The following SHROOM3 variants were observed in gnomAD, a reference collection of about 807,000 sequenced individuals.
The protein encoded by SHROOM3 is shroom family member 3, also known as protein Shroom3.
SHROOM3 carries 47 observed loss-of-function variants against 138.6 expected under a neutral mutation model. That is an observed-to-expected ratio of 0.34 (90% CI 0.27 to 0.43). SHROOM3 has a LOEUF of 0.43. SHROOM3 is among the 20% of genes least tolerant of loss of function. The pLI, the probability that SHROOM3 is intolerant of heterozygous loss-of-function variation, is 1.00. For synonymous variants in SHROOM3, 1,062 were observed against 1,063.3 expected (o/e 1.00, Z 0.02); for missense variants, 2,491 against 2,596.5 (o/e 0.96, Z 0.88).
At chr4:76,544,533 C>T (rs908824611) in intron 1 of SHROOM3, among the ~76,000 whole-genome samples, 1 of 141,084 alleles carries the variant, frequency 7.1e-6, no homozygotes, top group African/African-American at 2.6e-5. Context: ...CCTCCTGCCT[C>T]AGCCTCCTGG....
chr4:76,638,508 T>G (rs1200354134), intron 2 of SHROOM3, among the ~76,000 whole-genome samples: 2 of 152,314 alleles, frequency 1.3e-5, no homozygotes, highest in East Asian at 3.9e-4. Flanking sequence ...ATGATCACAC[T>G]GCTGCATTAT....
chr4:76,581,038 T>C (rs1246839305), intron 2 of SHROOM3, among the ~76,000 whole-genome samples: 2 of 152,214 alleles, frequency 1.3e-5, no homozygotes, highest in East Asian at 3.9e-4. Context: ...AAATGGATCA[T>C]TAATAATGCT....
At chr4:76,557,406 A>T (rs1240973615) in intron 2 of SHROOM3, among the ~76,000 whole-genome samples, 1 of 152,152 alleles carries the variant, frequency 6.6e-6, no homozygotes, top group African/African-American at 2.4e-5. Context: ...CATGGTGTAT[A>T]AAAAAGTCAA....
intron 2 of SHROOM3, among the ~76,000 whole-genome samples, chr4:76,659,364 C>A (rs1736134931): frequency 6.6e-6 from 1 of 152,178 alleles, no homozygotes; most frequent in Non-Finnish European, 1.5e-5. Context: ...GTTCTTTACT[C>A]CCCCACCATC....
chr4:76,678,001 G>C (rs796448772), intron 2 of SHROOM3, among the ~76,000 whole-genome samples: 5 of 152,186 alleles, frequency 3.3e-5, no homozygotes, highest in African/African-American at 1.2e-4. Context: ...ACTCTGAAGA[G>C]TTATCGTGGT....
At position 76,603,883 on chromosome 4, in the gene SHROOM3, C is replaced by A. The variant is rs562838719; in HGVS notation, c.323+48120C>A. Among the ~76,000 whole-genome samples, 3 of 141,796 alleles carry A rather than the reference C, an allele frequency of 2.1e-5. No homozygotes were observed. The East Asian group carries it at 6.2e-4, about 29-fold the overall frequency. The allele number at this position is 141,796 out of a possible 152,430, so 93.0% of individuals were successfully genotyped here. A position where few individuals can be genotyped will look rare whatever the true frequency, so the allele number is the denominator to read the frequency against. ...TTTGAGATGGAGTCTTGCACTGTCT[C>A]CCAGGCTGGAGTGCAGTGGCGCGAT... On this transcript the variant is annotated intron_variant, in intron 2 of 10. Transcript: ENST00000296043.
chr4:76,480,285 G>A (rs796815153), intron 1 of SHROOM3, among the ~76,000 whole-genome samples: 2 of 152,164 alleles, frequency 1.3e-5, no homozygotes, highest in South Asian at 4.1e-4. Context: ...ATAAAGAGAT[G>A]GAGGAAGATT....
At chr4:76,621,799 T>C (rs1435006188) in intron 2 of SHROOM3, among the ~76,000 whole-genome samples, 1 of 152,058 alleles carries the variant, frequency 6.6e-6, no homozygotes, top group African/African-American at 2.4e-5. Flanking sequence ...AGTTCCAGCG[T>C]TTTCTTTAGG....
intron 1 of SHROOM3, among the ~76,000 whole-genome samples, chr4:76,447,041 G>A (rs368972191): frequency 6.6e-6 from 1 of 152,082 alleles, no homozygotes; most frequent in Admixed American, 6.6e-5. Context: ...GGAACTTCAC[G>A]TACAGTTGTT....
intron 1 of SHROOM3, among the ~76,000 whole-genome samples, chr4:76,520,039 A>T (rs1480350143): frequency 6.6e-6 from 1 of 152,184 alleles, no homozygotes; most frequent in African/African-American, 2.4e-5. Flanking sequence ...TGTCCAGCTA[A>T]TCCTTACAAC....
At chr4:76,545,086 T>C (rs1164998678) in intron 1 of SHROOM3, among the ~76,000 whole-genome samples, 3 of 151,854 alleles carry the variant, frequency 2.0e-5, no homozygotes, top group Non-Finnish European at 4.4e-5. Flanking sequence ...TACTATTTTC[T>C]TTTTTTCTTT....
intron 10 of SHROOM3, among the ~76,000 whole-genome samples, chr4:76,777,413 A>G (rs1162932230): frequency 1.3e-5 from 2 of 152,192 alleles, no homozygotes; most frequent in African/African-American, 4.8e-5. Flanking sequence ...CTGTTGGTGT[A>G]TAGCAGTGCT....
At chr4:76,695,371 A>G (rs1445937840) in intron 2 of SHROOM3, among the ~76,000 whole-genome samples, 7 of 152,228 alleles carry the variant, frequency 4.6e-5, no homozygotes, top group Non-Finnish European at 7.3e-5. Flanking sequence ...TGTGAGGTCT[A>G]TGTAGGGATG....
chr4:76,753,059 A>C (rs575983570), intron 6 of SHROOM3, among the ~76,000 whole-genome samples: 60 of 152,230 alleles, frequency 3.9e-4, no homozygotes, highest in Middle Eastern at 3.4e-3. Context: ...GGTACTGGGG[A>C]TGCCAGGATG....
chr4:76,737,600 A>G (rs1450275302), intron 4 of SHROOM3, among the ~76,000 whole-genome samples: 1 of 152,136 alleles, frequency 6.6e-6, no homozygotes, highest in East Asian at 1.9e-4. Context: ...TGGTATTGTC[A>G]ATGTTCTGGA....
chr4:76,737,591 G>A (rs1277880965), intron 4 of SHROOM3, among the ~76,000 whole-genome samples: 3 of 152,146 alleles, frequency 2.0e-5, no homozygotes, highest in Admixed American at 1.3e-4. Context: ...ACCAGCATTT[G>A]GTATTGTCAA....
At chr4:76,708,950 G>C (rs1410244188) in intron 2 of SHROOM3, among the ~76,000 whole-genome samples, 4 of 152,220 alleles carry the variant, frequency 2.6e-5, no homozygotes, top group Non-Finnish European at 5.9e-5. Context: ...GGTGAGAAAA[G>C]TAATGTACAG....
chr4:76,681,942 A>G (rs1261729053), intron 2 of SHROOM3, among the ~76,000 whole-genome samples: 3 of 152,084 alleles, frequency 2.0e-5, no homozygotes, highest in Non-Finnish European at 2.9e-5. Flanking sequence ...GCCTGGGACC[A>G]GGGCCCACAT....
chr4:76,553,490 G>T (rs969232744), intron 1 of SHROOM3, among the ~76,000 whole-genome samples: 2 of 152,012 alleles, frequency 1.3e-5, no homozygotes, highest in Non-Finnish European at 2.9e-5. Flanking sequence ...TGGCCAGGCT[G>T]GTCTCGAACT....
Sources: gnomAD v4.1 joint callset for allele counts (sites outside exome capture counted in the v4.1 genomes callset) on GRCh38, gnomAD v4.1.1 for gene constraint, MANE v1.5 for transcripts, NCBI Gene and HGNC (gene_info 2026-07-23, HGNC 2026-07-21) for gene names.